ZCCHC7: variants seen among roughly 807,000 people sequenced by gnomAD.
ZCCHC7 encodes the protein zinc finger CCHC-type containing 7, also known as zinc finger CCHC domain-containing protein 7.
Under a neutral mutation model 52.0 loss-of-function variants are expected in ZCCHC7, and 35 were observed. That is an observed-to-expected ratio of 0.67 (90% CI 0.51 to 0.89). ZCCHC7 has a LOEUF of 0.89. Among genes scored for constraint, ZCCHC7 ranks in the 40% least tolerant of loss-of-function variants. The pLI, the probability that ZCCHC7 is intolerant of heterozygous loss-of-function variation, is 0.00. For missense variants in ZCCHC7, 574 were observed against 649.1 expected (o/e 0.88, Z 1.26); for synonymous variants, 217 against 221.5 (o/e 0.98, Z 0.18).
At chr9:37,231,642 G>A (rs1201787669) in intron 2 of ZCCHC7, among the ~76,000 whole-genome samples, 2 of 152,146 alleles carry the variant, frequency 1.3e-5, no homozygotes, top group African/African-American at 4.8e-5. Flanking sequence ...GGTAGAGGAA[G>A]TGGCTGTTTT....
chr9:37,353,945 A>G (rs1458008740), intron 7 of ZCCHC7, among the ~76,000 whole-genome samples: 1 of 152,222 alleles, frequency 6.6e-6, no homozygotes, highest in Non-Finnish European at 1.5e-5. Context: ...GTCACAGATC[A>G]TGATAAACAA....
At chr9:37,254,251 G>A (rs1358827576) in intron 2 of ZCCHC7, among the ~76,000 whole-genome samples, 2 of 151,976 alleles carry the variant, frequency 1.3e-5, no homozygotes, top group Non-Finnish European at 1.5e-5. Context: ...ATACTTAAGA[G>A]GTACTCAGAT....
chr9:37,200,200 TCTC>T (rs1588470096), intron 2 of ZCCHC7, among the ~76,000 whole-genome samples: 1 of 152,202 alleles, frequency 6.6e-6, no homozygotes, highest in Non-Finnish European at 1.5e-5. Context: ...TCTGTTTTCT[TCTC>T]CATGTTCACT....
intron 2 of ZCCHC7, among the ~76,000 whole-genome samples, chr9:37,155,926 A>G (rs1479250225): frequency 6.6e-6 from 1 of 152,222 alleles, no homozygotes; most frequent in Non-Finnish European, 1.5e-5. Flanking sequence ...TACAAAGGTA[A>G]ATAAGACTAG....
chr9:37,357,157 C>T lies in ZCCHC7; in HGVS notation c.1521C>T (p.Asp507=), dbSNP rs771222482. 6.8e-6 allele frequency: 11 copies of T among 1,613,182 alleles called. No homozygotes were observed. In the South Asian group the frequency reaches 7.7e-5, roughly 11 times the overall value. ...CACATTACCACACGTCAAGAGAAGA[C>T]AAGTCTCCCAAGGAAGGCAAGAGGG... The part of the protein sequence containing the change: ...RSSHYHTSRE[D]KSPKEGKRGK... Residue 507 remains aspartate (D), a synonymous_variant, in exon 9 of 9, where the codon GAC becomes GAT. Transcript: ENST00000336755.
chr9:37,180,857 A>G (rs554788952), intron 2 of ZCCHC7, among the ~76,000 whole-genome samples: 3 of 152,264 alleles, frequency 2.0e-5, no homozygotes, highest in African/African-American at 7.2e-5. Flanking sequence ...AAGTGAGACT[A>G]TATAAGATAT....
chr9:37,143,322 G>A (rs1169582177), intron 2 of ZCCHC7, among the ~76,000 whole-genome samples: 1 of 151,786 alleles, frequency 6.6e-6, no homozygotes, highest in African/African-American at 2.4e-5. Flanking sequence ...AAAATGCTAT[G>A]AAGGTAAGCC....
intron 2 of ZCCHC7, among the ~76,000 whole-genome samples, chr9:37,231,273 A>G (rs1368258795): frequency 6.6e-6 from 1 of 152,172 alleles, no homozygotes; most frequent in East Asian, 1.9e-4. Flanking sequence ...TTTAATTGGA[A>G]TTGCACTAGT....
chr9:37,203,959 G>A (rs143897381), intron 2 of ZCCHC7, among the ~76,000 whole-genome samples: 126 of 152,146 alleles, frequency 8.3e-4, no homozygotes, highest in African/African-American at 2.9e-3. Flanking sequence ...CCATAGCCTC[G>A]CCAGCATTTG....
chr9:37,136,570 A>G (rs1564135306), intron 2 of ZCCHC7, among the ~76,000 whole-genome samples: 1 of 151,792 alleles, frequency 6.6e-6, no homozygotes. Flanking sequence ...TGATCCTCCT[A>G]CCTCAACCTC....
At chr9:37,348,343 GTTCGTTCTTTCT>G (rs1158257126) in intron 6 of ZCCHC7, among the ~76,000 whole-genome samples, 3,058 of 100,152 alleles carry the variant, frequency 0.031, 108 homozygotes, top group African/African-American at 0.095. Flanking sequence ...AGTGATACCA[GTTCGTTCTTTCT>G]TTCTTTCTTT....
At chr9:37,210,551 T>C (rs1824162876) in intron 2 of ZCCHC7, among the ~76,000 whole-genome samples, 1 of 152,216 alleles carries the variant, frequency 6.6e-6, no homozygotes, top group African/African-American at 2.4e-5. Flanking sequence ...GTTTCTTGTG[T>C]GCATTACATC....
intron 5 of ZCCHC7, among the ~76,000 whole-genome samples, chr9:37,316,868 C>CTTT (rs34953424): frequency 3.6e-5 from 5 of 140,304 alleles, no homozygotes; most frequent in African/African-American, 1.3e-4. Context: ...ACATAAGCCT[C>CTTT]TTTTTTTTTT....
chr9:37,332,816 A>G (rs1830503276), intron 6 of ZCCHC7, among the ~76,000 whole-genome samples: 1 of 151,668 alleles, frequency 6.6e-6, no homozygotes, highest in Non-Finnish European at 1.5e-5. Context: ...AAGGGGGAAA[A>G]ATGAATGTTG....
At chr9:37,215,007 A>G (rs948452635) in intron 2 of ZCCHC7, among the ~76,000 whole-genome samples, 3 of 152,128 alleles carry the variant, frequency 2.0e-5, no homozygotes, top group Non-Finnish European at 4.4e-5. Context: ...TTAAATTTTA[A>G]TAACATTGAT....
chr9:37,125,670 C>T (rs1272774533), intron 1 of ZCCHC7, among the ~76,000 whole-genome samples: 1 of 152,166 alleles, frequency 6.6e-6, no homozygotes, highest in Non-Finnish European at 1.5e-5. Flanking sequence ...ATAGTGAGAG[C>T]TGCTTTAAGT....
rs966497651 is a variant in ZCCHC7, at chr9:37,156,255, A to G, written c.610+29313A>G. ...ATTAAATTTCTGTTTTCTTTGATTT[A>G]AGCCATTTTCATGAATTTTCTCCAG... On this transcript the variant is annotated intron_variant, in intron 2 of 8. Transcript: ENST00000336755. 5.3e-5 allele frequency among the ~76,000 whole-genome samples: 8 copies of G among 152,176 alleles called. No individual in the cohort carries two copies. In the Middle Eastern group the frequency reaches 9.5e-3, roughly 181 times the overall value.
intron 2 of ZCCHC7, among the ~76,000 whole-genome samples, chr9:37,179,636 A>G (rs1016678926): frequency 1.3e-5 from 2 of 152,130 alleles, no homozygotes; most frequent in Admixed American, 1.3e-4. Flanking sequence ...GTCTCTTTGC[A>G]TGGATAGTTG....
In ZCCHC7 at chr9:37,354,071, A is replaced by G. The variant is rs888750968; in HGVS notation, c.1084-639A>G. Reference sequence around the variant, plus strand: ...CTGTCCTGGGAAAATGAGTAAGAGTAGGGATTTCAACTTGGGTGGCGGAAG... The same window carrying G: ...CTGTCCTGGGAAAATGAGTAAGAGTGGGGATTTCAACTTGGGTGGCGGAAG... On this transcript the variant is annotated intron_variant, in intron 7 of 8. Transcript: ENST00000336755. The surrounding 1 kb of genome is among the most constrained non-coding windows in gnomAD (Gnocchi z 4.0). Among the ~76,000 whole-genome samples the G allele has an allele frequency of 1.3e-5, 2 of 152,164 alleles. No homozygotes were observed. Among genetic ancestry groups the G allele is most frequent in the Non-Finnish European group, 2.9e-5 (2 of 68,020 alleles).
Sources: gnomAD v4.1 joint callset for allele counts (sites outside exome capture counted in the v4.1 genomes callset) on GRCh38, gnomAD v4.1.1 for gene constraint, Gnocchi (gnomAD v3.1) non-coding constraint, MANE v1.5 for transcripts, NCBI Gene and HGNC (gene_info 2026-07-23, HGNC 2026-07-21) for gene names.